Variants in PIK3R4 observed in about 807,000 individuals in gnomAD.
PIK3R4 encodes the protein phosphoinositide 3-kinase regulatory subunit 4.
A neutral mutation model predicts 136.5 loss-of-function variants in PIK3R4; 46 were observed. The ratio of observed to expected loss-of-function variants is 0.34; its 90% confidence interval spans 0.27 to 0.43. The LOEUF (loss-of-function observed/expected upper bound fraction) is 0.43. Among genes scored for constraint, PIK3R4 ranks in the 20% least tolerant of loss-of-function variants. The pLI, the probability that PIK3R4 is intolerant of heterozygous loss-of-function variation, is 1.00. For missense variants in PIK3R4, 1,331 were observed against 1,649.5 expected (o/e 0.81, Z 3.35); for synonymous variants, 557 against 566.7 (o/e 0.98, Z 0.24).
At chr3:130,715,372 C>T (rs1049926255) in intron 9 of PIK3R4, among the ~76,000 whole-genome samples, 2 of 152,136 alleles carry the variant, frequency 1.3e-5, no homozygotes, top group Admixed American at 1.3e-4. Flanking sequence ...GACCCACCCA[C>T]CTCGGCCTCC....
chr3:130,723,540 G>C lies in PIK3R4; in HGVS notation c.1855C>G (p.Leu619Val), dbSNP rs1251237319. 6.2e-7 allele frequency: 1 copy of C among 1,613,872 alleles called. No individual in the cohort carries two copies. Among genetic ancestry groups the C allele is most frequent in the Non-Finnish European group, 8.5e-7 (1 of 1,179,992 alleles). Residue 619 changes from leucine to valine, a missense_variant, in exon 7 of 20, where the codon CTG (leucine) becomes GTG (valine). Physicochemically the swap from Leu to Val is conservative, Grantham distance 32. This residue lies in a region of PIK3R4 where 1,180 missense variants were observed against 1,407.0 expected (regional missense o/e 0.84). Coordinates refer to ENST00000356763, the MANE Select transcript of PIK3R4 (RefSeq NM_014602.3). ...GWQSSSILKP[L>V]LQQGLSDAEE... Reference sequence around the variant, plus strand: ...GCATCACTAAGACCTTGTTGCAGCAGAGGCTTGAGAATTGAGGAGCTTTGC... The same window carrying C: ...GCATCACTAAGACCTTGTTGCAGCACAGGCTTGAGAATTGAGGAGCTTTGC...
In PIK3R4 at chr3:130,734,037, A is replaced by G; in HGVS notation, c.961T>C (p.Tyr321His). 6.2e-7 allele frequency: 1 copy of G among 1,614,138 alleles called. No individual in the cohort carries two copies. Among genetic ancestry groups the G allele is most frequent in the Non-Finnish European group, 8.5e-7 (1 of 1,179,966 alleles). The change falls in exon 4 of 20, where the codon TAC (tyrosine) becomes CAC (histidine). Residue 321 changes from tyrosine to histidine, a missense_variant. Physicochemically the swap from Tyr to His is moderately conservative, Grantham distance 83 (BLOSUM62 2). This residue lies in a region of PIK3R4 where 1,180 missense variants were observed against 1,407.0 expected (regional missense o/e 0.84). Transcript: ENST00000356763. ...GCCATGTAGGGCTGAAGAAAAGTGT[A>G]AAATATTTCAGGAAAGGCATTGCCA... Reference protein sequence around the residue: ...QRGNAFPEIFYTFLQPYMAQF... With the variant: ...QRGNAFPEIFHTFLQPYMAQF...
intron 13 of PIK3R4, among the ~76,000 whole-genome samples, chr3:130,703,102 G>C (rs1391289043): frequency 6.6e-6 from 1 of 152,034 alleles, no homozygotes; most frequent in Non-Finnish European, 1.5e-5. Flanking sequence ...TAATTCTGTT[G>C]ACAACTAACT....
chr3:130,716,370 G>A (rs1457502608), intron 9 of PIK3R4, 26 bp downstream of exon 9: 14 of 1,573,000 alleles, frequency 8.9e-6, no homozygotes, highest in East Asian at 4.5e-5. Flanking sequence ...GCATTTAAAT[G>A]TAAGACTTTG....
At chr3:130,692,884 A>T (rs2066526673) in intron 13 of PIK3R4, among the ~76,000 whole-genome samples, 2 of 152,194 alleles carry the variant, frequency 1.3e-5, no homozygotes, top group Admixed American at 1.3e-4. Flanking sequence ...TACCCTTTTA[A>T]AGGGGTTTAC....
intron 2 of PIK3R4, among the ~76,000 whole-genome samples, chr3:130,742,742 T>G (rs1309427703): frequency 8.5e-5 from 13 of 152,196 alleles, no homozygotes. Flanking sequence ...GTAATAAACC[T>G]ACAAGCAAGA....
chr3:130,728,047 T>A (rs1331877708), intron 6 of PIK3R4, among the ~76,000 whole-genome samples: 1 of 152,192 alleles, frequency 6.6e-6, no homozygotes, highest in Non-Finnish European at 1.5e-5. Context: ...TATTTTAACT[T>A]ATTTTCTGAT....
At chr3:130,682,047 C>T (rs1183025032) in intron 16 of PIK3R4, among the ~76,000 whole-genome samples, 1 of 152,198 alleles carries the variant, frequency 6.6e-6, no homozygotes, top group Non-Finnish European at 1.5e-5. Context: ...AGCTTCTGTA[C>T]TCCCTCTGGC....
chr3:130,685,459 T>C (rs2066484171), intron 15 of PIK3R4, among the ~76,000 whole-genome samples: 1 of 152,180 alleles, frequency 6.6e-6, no homozygotes, highest in Non-Finnish European at 1.5e-5. Flanking sequence ...CTGAGATTAA[T>C]GGAAATATAT....
Position 130,686,282 on chromosome 3 carries a change from A to G in PIK3R4, c.3404T>C (p.Leu1135Ser). 2 of 1,613,660 alleles carry G rather than the reference A, an allele frequency of 1.2e-6. No individual in the cohort carries two copies. The highest frequency in any genetic ancestry group is 2.2e-5 in the East Asian group (1 of 44,862). Residue 1135 changes from leucine to serine, a missense_variant, in exon 15 of 20, where the codon TTA becomes TCA. By Grantham distance (145) the Leu-to-Ser change is moderately radical. Around this residue, in one of 2 missense-constraint regions of PIK3R4, gnomAD observed 1,180 missense variants for 1,407.0 expected, o/e 0.84. Coordinates refer to ENST00000356763, the MANE Select transcript of PIK3R4 (RefSeq NM_014602.3). ...DLRSSSNAWTLKHDLKSGLIT... is the reference protein window; with the variant it reads ...DLRSSSNAWTSKHDLKSGLIT... ...GAGGCCCGACTTTAAATCATGCTTT[A>G]AAGTCCACGCATTGCTTGAAGACCT...
At chr3:130,719,231 C>A (rs1328624930) in intron 7 of PIK3R4, among the ~76,000 whole-genome samples, 1 of 151,934 alleles carries the variant, frequency 6.6e-6, no homozygotes, top group African/African-American at 2.4e-5. Context: ...AACATAAAAT[C>A]AATGATTTCA....
chr3:130,721,997 A>G lies in PIK3R4; in HGVS notation c.1981+1417T>C, dbSNP rs977041266. On this transcript the variant is annotated intron_variant, in intron 7 of 19. Coordinates refer to ENST00000356763, the MANE Select transcript of PIK3R4 (RefSeq NM_014602.3). ...TATATATCAAAATATCATGTTGAAC[A>G]TAATATACTATCTTTATTTGTTGAT... is the stretch of plus-strand genomic sequence containing the variant. 4.6e-5 allele frequency among the ~76,000 whole-genome samples: 7 copies of G among 152,196 alleles called. No homozygotes were observed. The East Asian group carries it at 1.3e-3, about 29-fold the overall frequency.
Position 130,705,745 on chromosome 3 carries a change from A to G in PIK3R4, c.2748T>C (p.Asn916=). ...TTAAAACCGGTATTACTGGTTTTTT[A>G]TTTTGGACAGTTGTCACTTCTGGAA... ...SQVPEVTTVQ[N]KKPVIPVLSS... The change falls in exon 12 of 20, where the codon AAT becomes AAC. Residue 916 remains asparagine, a synonymous_variant. Coordinates refer to ENST00000356763, the MANE Select transcript of PIK3R4 (RefSeq NM_014602.3). 1 of 1,608,154 alleles carries G rather than the reference A, an allele frequency of 6.2e-7. No individual in the cohort carries two copies. The highest frequency in any genetic ancestry group is 8.5e-7 in the Non-Finnish European group (1 of 1,174,644).
At position 130,736,860 on chromosome 3, in the gene PIK3R4, C is replaced by A. The variant is rs1192464405; in HGVS notation, c.734-858G>T. 2.6e-5 allele frequency among the ~76,000 whole-genome samples: 4 copies of A among 152,112 alleles called. No homozygotes were observed. In the East Asian group the frequency reaches 7.7e-4, roughly 29 times the overall value. ...GGAAGACAGAAAATAAAGCAGTGAA[C>A]AAACATAATATGTGAAATGCTAAAA... On this transcript the variant is annotated intron_variant, in intron 2 of 19. Coordinates refer to ENST00000356763, the MANE Select transcript of PIK3R4 (RefSeq NM_014602.3).
chr3:130,707,468 C>T (rs770402373), intron 10 of PIK3R4, among the ~76,000 whole-genome samples: 15 of 152,202 alleles, frequency 9.9e-5, no homozygotes, highest in Middle Eastern at 6.8e-3. Context: ...ATTTATTAAA[C>T]TATTTACCTT....
In PIK3R4 at chr3:130,680,960, G is replaced by C; in HGVS notation, c.3797+17C>G. 3 of 1,251,408 alleles carry C rather than the reference G, an allele frequency of 2.4e-6. No homozygotes were observed. Among genetic ancestry groups the C allele is most frequent in the Non-Finnish European group, 3.4e-6 (3 of 870,432 alleles). 77.5% of individuals were successfully genotyped at this position (1,251,408 alleles called of 1,614,324 possible). ...TTGTAAAAGTATCCATTTTATTAAA[G>C]TATTGAGATAGTGTACCTTATTTTC... is the stretch of plus-strand genomic sequence containing the variant. On this transcript the variant is annotated intron_variant, in intron 18 of 19. Coordinates refer to ENST00000356763, the MANE Select transcript of PIK3R4 (RefSeq NM_014602.3).
chr3:130,680,060 CAAAAAAAAAAA>C (rs1163413860), intron 19 of PIK3R4, among the ~76,000 whole-genome samples: 5 of 65,590 alleles, frequency 7.6e-5, no homozygotes, highest in Admixed American at 1.5e-4. Flanking sequence ...GACTCCATCT[CAAAAAAAAAAA>C]AAAAAAAAAA....
chr3:130,679,593 C>CTA (rs1462924058), intron 19 of PIK3R4, 108 bp from the exon 20 acceptor site: 1 of 730,896 alleles, frequency 1.4e-6, no homozygotes, highest in African/African-American at 1.8e-5. Context: ...TTTAAGTTAA[C>CTA]ACCTTTTGTA....
intron 7 of PIK3R4, among the ~76,000 whole-genome samples, chr3:130,722,628 C>T (rs901565653): frequency 6.6e-6 from 1 of 152,052 alleles, no homozygotes; most frequent in South Asian, 2.1e-4. Flanking sequence ...TTCAAGTCTA[C>T]GAATTCTTAA....
Sources: allele counts gnomAD v4.1 joint callset (sites outside exome capture counted in the v4.1 genomes callset), GRCh38; gene constraint gnomAD v4.1.1; regional missense constraint gnomAD v4.1.1; transcripts MANE v1.5; gene names NCBI Gene and HGNC (gene_info 2026-07-23, HGNC 2026-07-21).